Variants in BMPR1B observed in about 807,000 individuals in gnomAD.
The protein encoded by BMPR1B is bone morphogenetic protein receptor type-1B.
Under a neutral mutation model 59.1 loss-of-function variants are expected in BMPR1B, and 12 were observed. The ratio of observed to expected loss-of-function variants is 0.20; its 90% CI spans 0.13 to 0.33. BMPR1B has a LOEUF of 0.33. Ranked by LOEUF, BMPR1B falls within the 10% of genes least tolerant of loss-of-function variation. The probability of loss-of-function intolerance (pLI) is 1.00; values close to 1 mark genes in which losing one functional copy is unlikely to be tolerated. For missense variants in BMPR1B, 550 were observed against 610.9 expected (o/e 0.90, Z 1.05); for synonymous variants, 237 against 207.3 (o/e 1.14, Z -1.23).
chr4:94,849,785 G>A (rs1368427666), intron 1 of BMPR1B, among the ~76,000 whole-genome samples: 1 of 126,852 alleles, frequency 7.9e-6, no homozygotes, highest in African/African-American at 3.4e-5. Flanking sequence ...AGGTAGGAGG[G>A]GTTTTTTGGT....
chr4:95,076,165 A>G (rs1728692589), intron 3 of BMPR1B, among the ~76,000 whole-genome samples: 1 of 152,084 alleles, frequency 6.6e-6, no homozygotes, highest in African/African-American at 2.4e-5. Flanking sequence ...ATGTGTAGTA[A>G]AATTTTAGGA....
chr4:94,847,415 C>T (rs979987395), intron 1 of BMPR1B, among the ~76,000 whole-genome samples: 2 of 152,152 alleles, frequency 1.3e-5, no homozygotes, highest in Non-Finnish European at 2.9e-5. Flanking sequence ...ACCATATGAT[C>T]CAGCCATTCC....
intron 3 of BMPR1B, among the ~76,000 whole-genome samples, chr4:95,088,006 G>A (rs1171702017): frequency 6.6e-6 from 1 of 152,002 alleles, no homozygotes; most frequent in Non-Finnish European, 1.5e-5. Context: ...TGAAAGTTAC[G>A]TTTATAATTA....
intron 3 of BMPR1B, among the ~76,000 whole-genome samples, chr4:95,084,321 G>T (rs1209362978): frequency 6.6e-6 from 1 of 151,408 alleles, no homozygotes; most frequent in African/African-American, 2.4e-5. Flanking sequence ...ATTTATACGT[G>T]TGTGTGTATG....
intron 2 of BMPR1B, among the ~76,000 whole-genome samples, chr4:94,910,099 G>A (rs1439486353): frequency 6.6e-6 from 1 of 152,040 alleles, no homozygotes; most frequent in Non-Finnish European, 1.5e-5. Flanking sequence ...CGTAAAGTTA[G>A]TTTAAAATCT....
rs537004411 is a variant in BMPR1B at position 94,851,158 on chromosome 4, A to T, written c.-182-24673A>T. 2.6e-5 allele frequency among the ~76,000 whole-genome samples: 4 copies of T among 152,270 alleles called. No individual in the cohort carries two copies. The East Asian group carries it at 7.7e-4, about 29-fold the overall frequency. The stretch of plus-strand genomic sequence containing the variant: ...TCATGCAAGCCCCTTTGGTAAACAC[A>T]GTAGAGTCTGCAAATTTCATCAGTC... On this transcript the variant is annotated intron_variant, in intron 1 of 12. Coordinates refer to ENST00000515059, the MANE Select transcript of BMPR1B (RefSeq NM_001203.3).
At chr4:94,986,758 T>C (rs1721429532) in intron 2 of BMPR1B, among the ~76,000 whole-genome samples, 1 of 150,738 alleles carries the variant, frequency 6.6e-6, no homozygotes, top group Non-Finnish European at 1.5e-5. Flanking sequence ...AAATATAAAA[T>C]GGTCCGGGCG....
intron 3 of BMPR1B, among the ~76,000 whole-genome samples, chr4:95,050,874 T>A (rs1202604997): frequency 6.6e-6 from 1 of 151,774 alleles, no homozygotes; most frequent in Non-Finnish European, 1.5e-5. Flanking sequence ...TTTGAAAAAA[T>A]TTCTTTATCT....
rs1579176838 is a variant in BMPR1B at position 95,155,461 on chromosome 4, A to G, written c.*788A>G. The G allele has an allele frequency of 2.8e-5, 4 of 143,188 alleles. No individual in the cohort carries two copies. The highest frequency in any genetic ancestry group is 1.1e-4 in the African/African-American group (4 of 37,800). The allele number at this position is 143,188 out of a possible 1,614,324, so 8.9% of individuals were successfully genotyped here. The stretch of plus-strand genomic sequence containing the variant: ...CTTTCATGGTAAAACCCTTTTCATT[A>G]AACACAAAGAAAGCTTTTTTTTTTT... On this transcript the variant is annotated 3_prime_UTR_variant, in exon 13 of 13. Coordinates refer to ENST00000515059, the MANE Select transcript of BMPR1B (RefSeq NM_001203.3).
intron 1 of BMPR1B, among the ~76,000 whole-genome samples, chr4:94,759,476 G>A (rs1295539091): frequency 3.3e-5 from 5 of 152,214 alleles, no homozygotes; most frequent in Non-Finnish European, 5.9e-5. Context: ...GTGCTAAATT[G>A]ATGCCAACGA....
intron 2 of BMPR1B, among the ~76,000 whole-genome samples, chr4:94,919,104 G>C: frequency 6.6e-6 from 1 of 151,982 alleles, no homozygotes; most frequent in East Asian, 1.9e-4. Context: ...TCTTCTTCTT[G>C]TTTCGAGGCC....
Position 94,893,427 on chromosome 4 carries a change from C to G in BMPR1B, c.-113+17527C>G, listed in dbSNP as rs375229102. 5.3e-5 allele frequency among the ~76,000 whole-genome samples: 8 copies of G among 151,982 alleles called. No individual in the cohort carries two copies. In the South Asian group the frequency reaches 8.3e-4, roughly 16 times the overall value. Reference sequence around the variant, plus strand: ...AAATTTGTGTGAAGTGGACTCTTCCCCATGTTGTGTATGGGCTTCCCAAGA... The same window carrying G: ...AAATTTGTGTGAAGTGGACTCTTCCGCATGTTGTGTATGGGCTTCCCAAGA... On this transcript the variant is annotated intron_variant, in intron 2 of 12. Transcript: ENST00000515059.
chr4:94,811,229 TA>T (rs1723800418), intron 1 of BMPR1B, among the ~76,000 whole-genome samples: 1 of 152,186 alleles, frequency 6.6e-6, no homozygotes, highest in Non-Finnish European at 1.5e-5. Flanking sequence ...GCTGGCTGAT[TA>T]GCAATGCAAG....
chr4:95,051,639 C>T (rs1035640027), intron 3 of BMPR1B: 22 of 1,487,342 alleles, frequency 1.5e-5, no homozygotes, highest in Admixed American at 9.9e-5. Flanking sequence ...CAGTGAAAGA[C>T]GGAAAGGCAA....
rs563226242 is a variant in BMPR1B at position 94,872,556 on chromosome 4, G to A, written c.-182-3275G>A. 3.6e-4 allele frequency among the ~76,000 whole-genome samples: 55 copies of A among 152,166 alleles called. 1 individual carries two copies. The South Asian group carries it at 0.011, about 32-fold the overall frequency. ...TTATAAGAATTGATGAATCTGCTGGGTTTTTGTGATATTTAAGATTTTTCT... is the reference window on the plus strand; with the variant it reads ...TTATAAGAATTGATGAATCTGCTGGATTTTTGTGATATTTAAGATTTTTCT... On this transcript the variant is annotated intron_variant, in intron 1 of 12. Coordinates refer to ENST00000515059, the MANE Select transcript of BMPR1B (RefSeq NM_001203.3).
intron 3 of BMPR1B, among the ~76,000 whole-genome samples, chr4:95,013,131 T>C (rs1200584114): frequency 6.6e-6 from 1 of 152,060 alleles, no homozygotes; most frequent in Non-Finnish European, 1.5e-5. Context: ...ATGTGCCCTT[T>C]AGTTAGGAGG....
chr4:94,826,632 A>G (rs1375532743), intron 1 of BMPR1B, among the ~76,000 whole-genome samples: 2 of 150,438 alleles, frequency 1.3e-5, no homozygotes, highest in African/African-American at 2.5e-5. Flanking sequence ...CCAAGCAAAG[A>G]GGAACATCTG....
At chr4:95,121,374 C>T (rs190341559) in intron 6 of BMPR1B, among the ~76,000 whole-genome samples, 80 of 152,256 alleles carry the variant, frequency 5.3e-4, no homozygotes, top group African/African-American at 1.8e-3. Context: ...TTGATCTGGG[C>T]ATGCAGTGTG....
chr4:95,124,704 G>A (rs1484985782), intron 7 of BMPR1B, among the ~76,000 whole-genome samples: 2 of 151,912 alleles, frequency 1.3e-5, no homozygotes, highest in Non-Finnish European at 2.9e-5. Flanking sequence ...TAGTCTGCTT[G>A]GATATGTGCA....
Sources: allele counts gnomAD v4.1 joint callset (sites outside exome capture counted in the v4.1 genomes callset), GRCh38; gene constraint gnomAD v4.1.1; transcripts MANE v1.5; gene names NCBI Gene and HGNC (gene_info 2026-07-23, HGNC 2026-07-21).